The following TAMM41 variants were observed in gnomAD, a reference collection of about 807,000 sequenced individuals.
TAMM41 encodes the protein TAM41 mitochondrial translocator assembly and maintenance homolog.
Under a neutral mutation model 44.1 loss-of-function variants are expected in TAMM41, and 36 were observed. The ratio of observed to expected loss-of-function variants is 0.82; its 90% CI spans 0.63 to 1.08. TAMM41 has a LOEUF of 1.08. Ranked by LOEUF, TAMM41 falls within the 50% of genes least tolerant of loss-of-function variation. The probability of loss-of-function intolerance (pLI) is 0.00; values close to 1 mark genes in which losing one functional copy is unlikely to be tolerated. For synonymous variants in TAMM41, 164 were observed against 153.1 expected (o/e 1.07, Z -0.53); for missense variants, 417 against 404.3 (o/e 1.03, Z -0.27).
At chr3:11,792,655 T>C (rs1333389935) in intron 7 of TAMM41, among the ~76,000 whole-genome samples, 2 of 152,208 alleles carry the variant, frequency 1.3e-5, no homozygotes, top group Non-Finnish European at 2.9e-5. Flanking sequence ...AATTTCATGA[T>C]TTTGGAATAG....
the TAMM41 span, among the ~76,000 whole-genome samples, chr3:11,768,861 G>C: frequency 2.6e-5 from 4 of 152,230 alleles, no homozygotes; most frequent in Admixed American, 1.3e-4. Flanking sequence ...ACAGTGGAGG[G>C]AGCAGGTAAT....
the TAMM41 span, among the ~76,000 whole-genome samples, chr3:11,757,346 C>A: frequency 6.6e-6 from 1 of 152,182 alleles, no homozygotes; most frequent in African/African-American, 2.4e-5. Context: ...AACCAGGGAA[C>A]AAGAGCACTG....
the TAMM41 span, among the ~76,000 whole-genome samples, chr3:11,753,311 G>A: frequency 6.6e-6 from 1 of 152,182 alleles, no homozygotes; most frequent in South Asian, 2.1e-4. Context: ...GGTGTGGCTT[G>A]TAGTCCCAGC....
the TAMM41 span, among the ~76,000 whole-genome samples, chr3:11,764,483 A>ATTTTTTTTT: frequency 1.7e-4 from 15 of 86,374 alleles, 1 homozygote; most frequent in African/African-American, 7.8e-4. Flanking sequence ...CCATAATCTT[A>ATTTTTTTTT]TTCTTTTTTT....
At chr3:11,842,250 A>G (rs1398997380) in intron 2 of TAMM41, among the ~76,000 whole-genome samples, 1 of 152,034 alleles carries the variant, frequency 6.6e-6, no homozygotes, top group Non-Finnish European at 1.5e-5. Flanking sequence ...TTAGCTGGAC[A>G]TGATTACAGT....
chr3:11,804,946 C>T (rs946299260), intron 7 of TAMM41, among the ~76,000 whole-genome samples: 2 of 150,628 alleles, frequency 1.3e-5, no homozygotes, highest in Non-Finnish European at 3.0e-5. Flanking sequence ...CTCAATGCCG[C>T]CTCGACTTCC....
At chr3:11,809,221 C>T (rs988032829) in intron 6 of TAMM41, 9 of 407,372 alleles carry the variant, frequency 2.2e-5, no homozygotes, top group Non-Finnish European at 3.9e-5. Flanking sequence ...AACACAGACA[C>T]ATCTTTTAAA....
Position 11,807,846 on chromosome 3 carries a change from G to A in TAMM41, c.924C>T (p.Gly308=). 3.9e-6 allele frequency: 6 copies of A among 1,536,170 alleles called. No individual in the cohort carries two copies. Among genetic ancestry groups the A allele is most frequent in the Non-Finnish European group, 5.2e-6 (6 of 1,146,926 alleles). ...RPSSIRQSTK[G]IFTAGLKKSV... is the part of the protein sequence containing the mutation. Reference sequence around the variant, plus strand: ...CAAAGCTCTTACCAGCAGTAAAAATGCCTTTCGTGCTCTGTCTTATACTAG... The same window carrying A: ...CAAAGCTCTTACCAGCAGTAAAAATACCTTTCGTGCTCTGTCTTATACTAG... The change falls in exon 7 of 8, where the codon GGC becomes GGT. Residue 308 remains glycine (G), a synonymous_variant. Coordinates refer to ENST00000455809, the MANE Select transcript of TAMM41 (RefSeq NM_001284401.2).
At chr3:11,772,431 G>A in the TAMM41 span, among the ~76,000 whole-genome samples, 1 of 152,052 alleles carries the variant, frequency 6.6e-6, no homozygotes, top group East Asian at 1.9e-4. Context: ...TTGTTTAGCT[G>A]TCACAAGTGA....
At chr3:11,754,112 C>T in the TAMM41 span, among the ~76,000 whole-genome samples, 3 of 152,206 alleles carry the variant, frequency 2.0e-5, no homozygotes, top group East Asian at 3.9e-4. Context: ...ACGTGGTAAC[C>T]GAGACCCCCT....
chr3:11,752,899 C>T, the TAMM41 span, among the ~76,000 whole-genome samples: 112 of 151,722 alleles, frequency 7.4e-4, no homozygotes, highest in African/African-American at 2.7e-3. Flanking sequence ...TAGCGATCGT[C>T]CTGCCTTAGC....
the TAMM41 span, among the ~76,000 whole-genome samples, chr3:11,741,237 A>AAAAAAAAAAC: frequency 6.8e-6 from 1 of 147,002 alleles, no homozygotes; most frequent in African/African-American, 2.7e-5. Context: ...AAAAAAAAAA[A>AAAAAAAAAAC]AATCAGGGCT....
At chr3:11,725,781 C>T in the TAMM41 span, among the ~76,000 whole-genome samples, 1 of 152,084 alleles carries the variant, frequency 6.6e-6, no homozygotes. Flanking sequence ...TGATTGCCGG[C>T]TGATCTCCCT....
chr3:11,813,991 T>TACAC (rs35804902), intron 5 of TAMM41, among the ~76,000 whole-genome samples: 15,556 of 145,824 alleles, frequency 0.11, 1,019 homozygotes, highest in Non-Finnish European at 0.14. Flanking sequence ...CACCTGTGTA[T>TACAC]ACACACACAC....
chr3:11,790,492 A>T lies in TAMM41; in HGVS notation c.*13T>A. 1.2e-6 allele frequency: 2 copies of T among 1,612,502 alleles called. No individual in the cohort carries two copies. The highest frequency in any genetic ancestry group is 1.7e-5 in the Admixed American group (1 of 59,968). ...TATTCATCTACACATAACATATATA[A>T]AAGCAAGCAAAATCAGGATGTTTTC... On this transcript the variant is annotated 3_prime_UTR_variant, in exon 8 of 8. Coordinates refer to ENST00000455809, the MANE Select transcript of TAMM41 (RefSeq NM_001284401.2).
chr3:11,734,477 T>TCTTA, the TAMM41 span, among the ~76,000 whole-genome samples: 5 of 152,190 alleles, frequency 3.3e-5, no homozygotes, highest in African/African-American at 1.2e-4. Flanking sequence ...TGACAGCTCC[T>TCTTA]CTTACAGTCA....
chr3:11,759,570 C>T, the TAMM41 span, among the ~76,000 whole-genome samples: 7 of 82,024 alleles, frequency 8.5e-5, no homozygotes, highest in South Asian at 3.9e-4. Flanking sequence ...GGAATGCATA[C>T]GGAAAGCAAT....
At chr3:11,789,491 C>T (rs1019495317), downstream of TAMM41, among the ~76,000 whole-genome samples, 1 of 152,182 alleles carries the variant, frequency 6.6e-6, no homozygotes, top group African/African-American at 2.4e-5. Flanking sequence ...TGCTTCCCAA[C>T]AGCTCTTTCT....
Position 11,823,660 on chromosome 3 carries a change from C to CTT in TAMM41, c.562+6052_562+6053dup, listed in dbSNP as rs34657936. On this transcript the variant is annotated intron_variant, in intron 4 of 7. Coordinates refer to ENST00000455809, the MANE Select transcript of TAMM41 (RefSeq NM_001284401.2). ...TTCCATTTTGTTAGCTGCCTTTTTA[C>CTT]TTTTTTTTTTTTTTTTTTTAGACAG... Among the ~76,000 whole-genome samples the CTT allele has an allele frequency of 8.7e-3, 1,069 of 122,358 alleles. 16 individuals are homozygous for CTT. Among genetic ancestry groups the CTT allele is most frequent in the East Asian group, 0.03 (124 of 4,144 alleles). 80.3% of individuals were successfully genotyped at this position (122,358 alleles called of 152,430 possible).
Sources: allele counts gnomAD v4.1 joint callset (sites outside exome capture counted in the v4.1 genomes callset), GRCh38; gene constraint gnomAD v4.1.1; transcripts MANE v1.5; gene names NCBI Gene and HGNC (gene_info 2026-07-23, HGNC 2026-07-21).